KCNQ5: variants seen among roughly 807,000 people sequenced by gnomAD.
The protein encoded by KCNQ5 is potassium voltage-gated channel subfamily Q member 5, also known as potassium voltage-gated channel subfamily KQT member 5.
KCNQ5 carries 30 observed loss-of-function variants against 98.2 expected under a neutral mutation model. The ratio of observed to expected loss-of-function variants is 0.31; its 90% CI spans 0.23 to 0.41. The LOEUF (loss-of-function observed/expected upper bound fraction) is 0.41. Among genes scored for constraint, KCNQ5 ranks in the 10% least tolerant of loss-of-function variants. KCNQ5 has a pLI of 1.00. For synonymous variants in KCNQ5, 458 were observed against 449.4 expected (o/e 1.02, Z -0.24); for missense variants, 835 against 1,182.5 (o/e 0.71, Z 4.31).
intron 1 of KCNQ5, among the ~76,000 whole-genome samples, chr6:72,831,730 TA>T (rs368679622): frequency 0.012 from 1,701 of 139,028 alleles, 16 homozygotes; most frequent in Admixed American, 0.019. Context: ...AAGTATAATT[TA>T]AAAAAAAAAT....
chr6:73,077,205 C>A, intron 3 of KCNQ5, 117 bp from the exon 4 acceptor site: 2 of 997,518 alleles, frequency 2.0e-6, no homozygotes, highest in Non-Finnish European at 3.0e-6. Context: ...AGCTGGGAAT[C>A]AAGATCTGTT....
intron 2 of KCNQ5, among the ~76,000 whole-genome samples, chr6:73,034,572 G>C (rs1771304246): frequency 6.6e-6 from 1 of 152,162 alleles, no homozygotes; most frequent in Non-Finnish European, 1.5e-5. Context: ...TGGTACATGA[G>C]CTTTTAAGCA....
intron 1 of KCNQ5, among the ~76,000 whole-genome samples, chr6:72,769,845 A>C (rs998616798): frequency 1.3e-5 from 2 of 152,140 alleles, no homozygotes; most frequent in Non-Finnish European, 2.9e-5. Context: ...AAAGTTCATC[A>C]GGCTTTGGAG....
chr6:72,962,247 A>G (rs1767409986), intron 1 of KCNQ5, among the ~76,000 whole-genome samples: 1 of 146,034 alleles, frequency 6.8e-6, no homozygotes, highest in African/African-American at 2.5e-5. Context: ...ACACATATAT[A>G]TATACACACA....
intron 2 of KCNQ5, among the ~76,000 whole-genome samples, chr6:73,036,463 A>T (rs1438174645): frequency 2.6e-5 from 4 of 151,112 alleles, no homozygotes; most frequent in African/African-American, 7.3e-5. Context: ...ACCCCTTGCT[A>T]ACCACATCCA....
chr6:72,801,813 G>T (rs1438135363), intron 1 of KCNQ5, among the ~76,000 whole-genome samples: 1 of 151,800 alleles, frequency 6.6e-6, no homozygotes, highest in Non-Finnish European at 1.5e-5. Flanking sequence ...CTCTTTTAGG[G>T]CAGGCCTGGT....
At chr6:72,801,187 C>A (rs1774632023) in intron 1 of KCNQ5, among the ~76,000 whole-genome samples, 1 of 150,116 alleles carries the variant, frequency 6.7e-6, no homozygotes, top group Non-Finnish European at 1.5e-5. Context: ...TCCTTGTTAA[C>A]TTTCTGTCTC....
chr6:72,640,487 C>A (rs2098926639), intron 1 of KCNQ5, among the ~76,000 whole-genome samples: 1 of 152,078 alleles, frequency 6.6e-6, no homozygotes, highest in South Asian at 2.1e-4. Context: ...ACTTATTTAA[C>A]AACAACATTG....
intron 3 of KCNQ5, among the ~76,000 whole-genome samples, chr6:73,068,784 G>C (rs544898869): frequency 5.3e-5 from 8 of 152,062 alleles, no homozygotes; most frequent in Non-Finnish European, 1.2e-4. Flanking sequence ...AATAGTGTTA[G>C]GTATGAGCTG....
At chr6:72,820,975 G>C (rs144842123) in intron 1 of KCNQ5, among the ~76,000 whole-genome samples, 3 of 152,274 alleles carry the variant, frequency 2.0e-5, no homozygotes, top group African/African-American at 7.2e-5. Context: ...AAAAGAAGCT[G>C]ATATATGGAT....
At chr6:72,864,792 C>G (rs527284185) in intron 1 of KCNQ5, among the ~76,000 whole-genome samples, 16 of 150,464 alleles carry the variant, frequency 1.1e-4, no homozygotes, top group South Asian at 2.1e-4. Context: ...TTTAACTAGA[C>G]TTCTTTCTCA....
At chr6:72,727,613 T>C (rs1389555621) in intron 1 of KCNQ5, among the ~76,000 whole-genome samples, 1 of 152,230 alleles carries the variant, frequency 6.6e-6, no homozygotes, top group Non-Finnish European at 1.5e-5. Flanking sequence ...CAACTGGTAC[T>C]CCTTCAGTAA....
At chr6:72,942,044 G>A (rs1029350114) in intron 1 of KCNQ5, among the ~76,000 whole-genome samples, 1 of 152,134 alleles carries the variant, frequency 6.6e-6, no homozygotes, top group Admixed American at 6.5e-5. Context: ...TTCTGCTAAA[G>A]CAGTAACTCC....
At chr6:72,641,168 T>G (rs1009445439) in intron 1 of KCNQ5, among the ~76,000 whole-genome samples, 1 of 152,150 alleles carries the variant, frequency 6.6e-6, no homozygotes, top group Non-Finnish European at 1.5e-5. Flanking sequence ...CAAATTAGTA[T>G]TTAGCCCATT....
rs1386900956 is a variant in KCNQ5, at chr6:73,194,456, A to G, written c.1841A>G (p.Gln614Arg). Residue 614 changes from glutamine to arginine, a missense_variant, in exon 14 of 14, where the codon CAG becomes CGG. This residue lies in a region of KCNQ5 where 416 missense variants were observed against 446.9 expected (regional missense o/e 0.93). Coordinates refer to ENST00000370398, the MANE Select transcript of KCNQ5 (RefSeq NM_019842.4). The part of the protein sequence containing the change: ...GRVVKVEKQV[Q>R]SIESKLDCLL... ...AACCATTTTCCTCACTTCTAGGTAC[A>G]GTCCATAGAATCCAAGCTGGACTGC... 2.5e-6 allele frequency: 4 copies of G among 1,612,588 alleles called. No individual in the cohort carries two copies.
chr6:72,715,628 G>A (rs913381377), intron 1 of KCNQ5, among the ~76,000 whole-genome samples: 10 of 151,872 alleles, frequency 6.6e-5, no homozygotes, highest in Non-Finnish European at 1.2e-4. Flanking sequence ...CAAAAAAGAT[G>A]GACATGTAAT....
At chr6:72,682,377 T>C (rs1319562990) in intron 1 of KCNQ5, among the ~76,000 whole-genome samples, 1 of 152,206 alleles carries the variant, frequency 6.6e-6, no homozygotes, top group African/African-American at 2.4e-5. Context: ...GTGATAATAT[T>C]CTAAATTTCT....
chr6:73,137,606 C>G (rs1342915328), intron 10 of KCNQ5, among the ~76,000 whole-genome samples: 3 of 152,028 alleles, frequency 2.0e-5, no homozygotes, highest in Admixed American at 6.6e-5. Context: ...TTGAATTCTT[C>G]CCATTGGCAT....
chr6:73,123,298 G>A (rs1359721648), intron 8 of KCNQ5, among the ~76,000 whole-genome samples: 1 of 152,090 alleles, frequency 6.6e-6, no homozygotes, highest in Non-Finnish European at 1.5e-5. Context: ...ATTTCAAATA[G>A]GTGGCCAGGG....
Sources: allele counts gnomAD v4.1 joint callset (sites outside exome capture counted in the v4.1 genomes callset), GRCh38; gene constraint gnomAD v4.1.1; regional missense constraint gnomAD v4.1.1; transcripts MANE v1.5; gene names NCBI Gene and HGNC (gene_info 2026-07-23, HGNC 2026-07-21).